Variants in LSS observed in about 807,000 individuals in gnomAD.
LSS encodes lanosterol synthase.
A neutral mutation model predicts 110.3 loss-of-function variants in LSS; 90 were observed. That is an observed-to-expected ratio of 0.82 (90% CI 0.69 to 0.97). The LOEUF is 0.97. Among genes scored for constraint, LSS ranks in the 50% least tolerant of loss-of-function variants. The pLI is 0.00. For missense variants in LSS, 927 were observed against 990.0 expected, an observed-to-expected ratio of 0.94 and a Z score of 0.85; for synonymous variants, 433 against 400.0, an observed-to-expected ratio of 1.08 and a Z score of -0.98.
At chr21:46,191,796 G>A in intron 21 of LSS, 85 bp downstream of exon 21, 1 of 1,166,754 alleles carries the variant, frequency 8.6e-7, no homozygotes, top group Non-Finnish European at 1.3e-6. Context: ...CCCCAAAAAG[G>A]ACACAGAGCA....
At position 46,216,061 on chromosome 21, in the gene LSS, G is replaced by C. The variant is rs1277924170; in HGVS notation, c.784-268C>G. Among the ~76,000 whole-genome samples the C allele has an allele frequency of 6.6e-6, 1 of 152,144 alleles. No individual in the cohort carries two copies. ...CCTCCTTCTTCCCCATGGCAGGCCT[G>C]ATAAACATCCTGCACCTCAAACCTC... On this transcript the variant is annotated intron_variant, in intron 7 of 21. Coordinates refer to ENST00000397728, the MANE Select transcript of LSS (RefSeq NM_002340.6). The surrounding 1 kb of genome is among the most constrained non-coding windows in gnomAD (Gnocchi z 4.2).
chr21:46,206,443 C>A (rs1409275120), intron 16 of LSS, among the ~76,000 whole-genome samples: 1 of 152,226 alleles, frequency 6.6e-6, no homozygotes, highest in Admixed American at 6.5e-5. Context: ...CCTCCACTGT[C>A]CCCTAGGTCT....
At chr21:46,217,153 A>G (rs2080217138) in intron 6 of LSS, among the ~76,000 whole-genome samples, 1 of 150,006 alleles carries the variant, frequency 6.7e-6, no homozygotes, top group African/African-American at 2.5e-5. Context: ...AGGCTGAGGC[A>G]GGAGAATCGC....
chr21:46,205,473 T>C (rs1210913771), intron 17 of LSS, among the ~76,000 whole-genome samples: 1 of 152,248 alleles, frequency 6.6e-6, no homozygotes, highest in Non-Finnish European at 1.5e-5. Context: ...GTTCGCTTCC[T>C]GTTTGCTTCA....
At chr21:46,206,383 G>A (rs2080048709) in intron 16 of LSS, among the ~76,000 whole-genome samples, 1 of 152,182 alleles carries the variant, frequency 6.6e-6, no homozygotes, top group Non-Finnish European at 1.5e-5. Context: ...CAGAACACAA[G>A]CCCTGTGGAC....
chr21:46,193,983 C>T (rs539705000), intron 20 of LSS, among the ~76,000 whole-genome samples: 10 of 152,228 alleles, frequency 6.6e-5, no homozygotes, highest in Middle Eastern at 3.4e-3. Context: ...TACGTGTGTG[C>T]ATAGGCCTGT....
At position 46,208,296 on chromosome 21, in the gene LSS, T is replaced by A. The variant is rs1439705851; in HGVS notation, c.1272A>T (p.Pro424=). 3.9e-6 allele frequency: 6 copies of A among 1,552,710 alleles called. No homozygotes were observed. Among genetic ancestry groups the A allele is most frequent in the Non-Finnish European group, 5.2e-6 (6 of 1,147,572 alleles). Reference sequence around the variant, plus strand: ...ACTTCTGGTAGTCGGGAGGGTTATCTGGGACCTGGGCAGCATCGAGGGCAA... The same window carrying A: ...ACTTCTGGTAGTCGGGAGGGTTATCAGGGACCTGGGCAGCATCGAGGGCAA... The part of the protein sequence containing the change: ...AHEFLRLSQV[P]DNPPDYQKYY... The change falls in exon 14 of 22, where the codon CCA becomes CCT. Residue 424 remains proline, a synonymous_variant. Transcript: ENST00000397728.
intron 19 of LSS, 121 bp downstream of exon 19, chr21:46,195,555 C>A: frequency 1.1e-6 from 1 of 937,356 alleles, no homozygotes; most frequent in South Asian, 1.4e-5. Flanking sequence ...GAGCGAGACT[C>A]CGTCTCAAAA....
At chr21:46,212,500 G>A (rs1205140880) in intron 11 of LSS, among the ~76,000 whole-genome samples, 1 of 152,198 alleles carries the variant, frequency 6.6e-6, no homozygotes, top group Non-Finnish European at 1.5e-5. Context: ...CAGGACCAGG[G>A]TCAGCCAGGA....
chr21:46,219,054 G>A (rs750305867), intron 6 of LSS, among the ~76,000 whole-genome samples: 5 of 152,108 alleles, frequency 3.3e-5, no homozygotes, highest in African/African-American at 4.8e-5. Context: ...AGGCACACAC[G>A]CTGAGTCCAC....
intron 17 of LSS, among the ~76,000 whole-genome samples, chr21:46,205,431 CTGG>C (rs2080033459): frequency 6.6e-6 from 1 of 152,216 alleles, no homozygotes; most frequent in Non-Finnish European, 1.5e-5. Flanking sequence ...GCCGAGGGCT[CTGG>C]TGGTGTCACC....
At chr21:46,210,558 A>C in intron 12 of LSS, 130 bp downstream of exon 12, 2 of 930,734 alleles carry the variant, frequency 2.1e-6, no homozygotes. Context: ...GCCAGAGGCC[A>C]GAGCCCAGGT....
intron 6 of LSS, among the ~76,000 whole-genome samples, chr21:46,218,759 C>G (rs2080238545): frequency 6.8e-6 from 1 of 146,646 alleles, no homozygotes; most frequent in South Asian, 2.1e-4. Context: ...CAGAGTCTCA[C>G]TCCGTCGCCA....
At chr21:46,212,023 CTGA>C (rs1463055415) in intron 11 of LSS, among the ~76,000 whole-genome samples, 1 of 149,530 alleles carries the variant, frequency 6.7e-6, no homozygotes, top group Non-Finnish European at 1.5e-5. Flanking sequence ...TTGAGGTGCA[CTGA>C]TGAGTCGGTG....
chr21:46,200,964 CAAGA>C (rs1569021595), intron 17 of LSS, among the ~76,000 whole-genome samples: 12 of 152,234 alleles, frequency 7.9e-5, no homozygotes. Flanking sequence ...TCCAATGGTT[CAAGA>C]AAGAATGGGC....
At chr21:46,201,377 G>A (rs113576310) in intron 17 of LSS, among the ~76,000 whole-genome samples, 3 of 3,472 alleles carry the variant, frequency 8.6e-4, no homozygotes, top group African/African-American at 1.6e-3. Flanking sequence ...AGCCCTGAGG[G>A]TAGAGCCTGG....
At chr21:46,198,584 G>A (rs2123704572) in intron 17 of LSS, among the ~76,000 whole-genome samples, 1 of 152,232 alleles carries the variant, frequency 6.6e-6, no homozygotes, top group African/African-American at 2.4e-5. Context: ...AAACACTATT[G>A]AAGAGAACAC....
rs767919991 is a variant in LSS, at chr21:46,216,542, G to A, written c.648-18C>T. 2 of 1,578,046 alleles carry A rather than the reference G, an allele frequency of 1.3e-6. No individual in the cohort carries two copies. Among genetic ancestry groups the A allele is most frequent in the Non-Finnish European group, 1.7e-6 (2 of 1,159,110 alleles). ...GAAACAGCCTGGGGCAACAGCAGGA[G>A]TCAGTGGGAGACCCCAAGACTCAAG... On this transcript the variant is annotated intron_variant, in intron 6 of 21. Coordinates refer to ENST00000397728, the MANE Select transcript of LSS (RefSeq NM_002340.6). This position sits in a 1 kb window ranked among gnomAD's most constrained non-coding sequence, Gnocchi z 4.2.
At chr21:46,217,666 G>A (rs1345506868) in intron 6 of LSS, among the ~76,000 whole-genome samples, 1 of 152,154 alleles carries the variant, frequency 6.6e-6, no homozygotes, top group Non-Finnish European at 1.5e-5. Flanking sequence ...AAGACAAGCA[G>A]CACCCTGGCG....
Sources: allele counts gnomAD v4.1 joint callset (sites outside exome capture counted in the v4.1 genomes callset), GRCh38; gene constraint gnomAD v4.1.1; non-coding constraint Gnocchi (gnomAD v3.1); transcripts MANE v1.5; gene names NCBI Gene and HGNC (gene_info 2026-07-23, HGNC 2026-07-21).